PRKD3: variants seen among roughly 807,000 people sequenced by gnomAD.
PRKD3 encodes the protein protein kinase D3, also known as serine/threonine-protein kinase D3.
PRKD3 carries 47 observed loss-of-function variants against 99.2 expected under a neutral mutation model. That is an observed-to-expected ratio of 0.47 (90% CI 0.38 to 0.60). The LOEUF is 0.60. Ranked by LOEUF, PRKD3 falls within the 20% of genes least tolerant of loss-of-function variation. The pLI, the probability that PRKD3 is intolerant of heterozygous loss-of-function variation, is 0.00. For synonymous variants in PRKD3, 392 were observed against 355.4 expected, an observed-to-expected ratio of 1.10 and a Z score of -1.16; for missense variants, 1,019 against 1,088.4, an observed-to-expected ratio of 0.94 and a Z score of 0.90.
At position 37,251,206 on chromosome 2, in the gene PRKD3, T is replaced by C. The variant is rs1667462449; in HGVS notation, c.*1971A>G. ...GAAAATAACATTTCTAAAAAAAAAT[T>C]TTTTTTGAAAATTAATTTGATTTAA... On this transcript the variant is annotated 3_prime_UTR_variant, in exon 19 of 19. Coordinates refer to ENST00000234179, the MANE Select transcript of PRKD3 (RefSeq NM_005813.6). 1 of 152,514 alleles carries C rather than the reference T, an allele frequency of 6.6e-6. No homozygotes were observed. Among genetic ancestry groups the C allele is most frequent in the Non-Finnish European group, 1.5e-5 (1 of 68,024 alleles). 9.4% of individuals were successfully genotyped at this position (152,514 alleles called of 1,614,324 possible).
chr2:37,321,550 C>T (rs1422334057), intron 1 of PRKD3, among the ~76,000 whole-genome samples: 1 of 152,190 alleles, frequency 6.6e-6, no homozygotes, highest in Admixed American at 6.5e-5. Flanking sequence ...AGTATTTCCA[C>T]TTAACAAATA....
intron 6 of PRKD3, among the ~76,000 whole-genome samples, chr2:37,284,963 T>C (rs1670024576): frequency 1.3e-5 from 2 of 152,290 alleles, no homozygotes; most frequent in Admixed American, 1.3e-4. Flanking sequence ...TTTATTTTCT[T>C]ATATGCTTAA....
chr2:37,253,447 C>G, intron 18 of PRKD3, 97 bp from the exon 19 acceptor site: 1 of 1,023,300 alleles, frequency 9.8e-7, no homozygotes, highest in Non-Finnish European at 1.4e-6. Flanking sequence ...GTTTAGTGCC[C>G]TAGTCAAATA....
At chr2:37,275,312 T>C (rs1017006627) in intron 10 of PRKD3, among the ~76,000 whole-genome samples, 2 of 152,062 alleles carry the variant, frequency 1.3e-5, no homozygotes, top group Non-Finnish European at 2.9e-5. Flanking sequence ...TATCAGTTTG[T>C]GATGTGGCAA....
intron 2 of PRKD3, among the ~76,000 whole-genome samples, chr2:37,312,127 C>T (rs13384958): frequency 7.0e-4 from 106 of 152,110 alleles, no homozygotes; most frequent in South Asian, 2.3e-3. Flanking sequence ...AAAAAGCTAA[C>T]CAGGAAATGC....
chr2:37,274,527 A>G lies in PRKD3; in HGVS notation c.1545T>C (p.Val515=), dbSNP rs1249913770. ...SHNPVLAATG[V]GLDVAQSWEK... ...CCCAGCTCTGTGCTACATCAAGTCCAACTCCAGTGGCAGCAAGAACAGGAT... is the reference window on the plus strand; with the variant it reads ...CCCAGCTCTGTGCTACATCAAGTCCGACTCCAGTGGCAGCAAGAACAGGAT... The change falls in exon 11 of 19, where the codon GTT becomes GTC. Residue 515 remains valine, a synonymous_variant. Transcript: ENST00000234179. 6.2e-7 allele frequency: 1 copy of G among 1,614,136 alleles called. No homozygotes were observed. Among genetic ancestry groups the G allele is most frequent in the Admixed American group, 1.7e-5 (1 of 60,012 alleles).
At chr2:37,278,571 C>T (rs1285419155) in intron 8 of PRKD3, 1 of 152,248 alleles carries the variant, frequency 6.6e-6, no homozygotes, top group East Asian at 1.9e-4. Flanking sequence ...GCATAAAATA[C>T]ACTGTTTTGA....
chr2:37,269,062 T>A (rs1363380328), intron 13 of PRKD3: 1 of 154,398 alleles, frequency 6.5e-6, no homozygotes, highest in Non-Finnish European at 1.4e-5. Flanking sequence ...TACCTTTACA[T>A]ATATTAAGTT....
chr2:37,282,522 A>G lies in PRKD3; in HGVS notation c.988+20T>C. 1 of 1,491,498 alleles carries G rather than the reference A, an allele frequency of 6.7e-7. No individual in the cohort carries two copies. Among genetic ancestry groups the G allele is most frequent in the Non-Finnish European group, 9.3e-7 (1 of 1,071,156 alleles). 92.4% of individuals were successfully genotyped at this position (1,491,498 alleles called of 1,614,324 possible). On this transcript the variant is annotated intron_variant, in intron 7 of 18. Coordinates refer to ENST00000234179, the MANE Select transcript of PRKD3 (RefSeq NM_005813.6). The stretch of plus-strand genomic sequence containing the variant: ...TGGCCTTTTCTGATCTTTCACAAAA[A>G]TTAAGAAAAATAATTTTACCTCCAT...
chr2:37,287,550 G>A (rs891231657), intron 5 of PRKD3, among the ~76,000 whole-genome samples: 1 of 152,158 alleles, frequency 6.6e-6, no homozygotes, highest in Non-Finnish European at 1.5e-5. Flanking sequence ...CAGGACATCA[G>A]TTCTGGCAGT....
chr2:37,271,245 G>C (rs73927431), intron 12 of PRKD3, among the ~76,000 whole-genome samples: 1 of 151,940 alleles, frequency 6.6e-6, no homozygotes, highest in African/African-American at 2.4e-5. Flanking sequence ...CTCTAGTCCA[G>C]GGGTTAGCAA....
intron 2 of PRKD3, among the ~76,000 whole-genome samples, chr2:37,313,761 C>T (rs1671544929): frequency 2.0e-5 from 3 of 152,174 alleles, no homozygotes; most frequent in Non-Finnish European, 4.4e-5. Flanking sequence ...TTCGACTTTA[C>T]AATAGTGCAA....
At chr2:37,269,800 T>C (rs1223439684) in intron 12 of PRKD3, 113 bp from the exon 13 acceptor site, 1 of 777,614 alleles carries the variant, frequency 1.3e-6, no homozygotes, top group African/African-American at 1.8e-5. Flanking sequence ...AAGCAGCTAA[T>C]TTCCATAAAG....
intron 2 of PRKD3, among the ~76,000 whole-genome samples, chr2:37,316,014 T>C (rs1295025828): frequency 6.6e-6 from 1 of 152,178 alleles, no homozygotes. Context: ...CGTGAGCCAC[T>C]ACGCCCAGCC....
intron 2 of PRKD3, among the ~76,000 whole-genome samples, chr2:37,302,030 C>A (rs58186361): frequency 0.017 from 2,541 of 152,240 alleles, 46 homozygotes; most frequent in African/African-American, 0.043. Flanking sequence ...CTGAGAAATC[C>A]TGCTTTAGGG....
At chr2:37,276,906 A>C (rs936184708) in intron 9 of PRKD3, among the ~76,000 whole-genome samples, 1 of 151,844 alleles carries the variant, frequency 6.6e-6, no homozygotes, top group Admixed American at 6.6e-5. Context: ...TACTGAATTA[A>C]CTACTTTCCC....
chr2:37,284,995 T>G (rs1188277746), intron 6 of PRKD3, among the ~76,000 whole-genome samples: 1 of 152,196 alleles, frequency 6.6e-6, no homozygotes, highest in Non-Finnish European at 1.5e-5. Flanking sequence ...ATTATCTTAC[T>G]CTGTCTTGTA....
In PRKD3 at chr2:37,259,563, G is replaced by C; in HGVS notation, c.2145+20C>G. 6.4e-7 allele frequency: 1 copy of C among 1,567,728 alleles called. No homozygotes were observed. Among genetic ancestry groups the C allele is most frequent in the Non-Finnish European group, 8.7e-7 (1 of 1,143,706 alleles). On this transcript the variant is annotated intron_variant, in intron 16 of 18. Coordinates refer to ENST00000234179, the MANE Select transcript of PRKD3 (RefSeq NM_005813.6). ...AAAATGTTGCCAGAATCATTTAAAA[G>C]GTTCTGGAGAATATCTCACCTGAGG...
intron 16 of PRKD3, among the ~76,000 whole-genome samples, chr2:37,258,706 C>T (rs567750972): frequency 1.3e-5 from 2 of 152,230 alleles, no homozygotes; most frequent in African/African-American, 4.8e-5. Flanking sequence ...TCACTTTTAA[C>T]CACATAAACA....
Sources: allele counts gnomAD v4.1 joint callset (sites outside exome capture counted in the v4.1 genomes callset), GRCh38; gene constraint gnomAD v4.1.1; transcripts MANE v1.5; gene names NCBI Gene and HGNC (gene_info 2026-07-23, HGNC 2026-07-21).